ARMC8: variants seen among roughly 807,000 people sequenced by gnomAD.
The protein encoded by ARMC8 is armadillo repeat-containing protein 8.
In ARMC8, 20 loss-of-function variants were observed where a neutral mutation model predicts 99.3. The observed-to-expected ratio is 0.20, with a 90% CI of 0.14 to 0.29. The LOEUF (loss-of-function observed/expected upper bound fraction) is 0.29, where lower values mean the gene tolerates loss of function less well. Ranked by LOEUF, ARMC8 falls within the 10% of genes least tolerant of loss-of-function variation. The pLI, the probability that ARMC8 is intolerant of heterozygous loss-of-function variation, is 1.00. For synonymous variants in ARMC8, 263 were observed against 278.3 expected, an observed-to-expected ratio of 0.95 and a Z score of 0.55; for missense variants, 569 against 809.5, an observed-to-expected ratio of 0.70 and a Z score of 3.60.
intron 21 of ARMC8, among the ~76,000 whole-genome samples, chr3:138,292,384 C>T (rs1278221346): frequency 6.6e-6 from 1 of 152,150 alleles, no homozygotes; most frequent in Non-Finnish European, 1.5e-5. Context: ...TTACAGAGAA[C>T]CATCTGTAGG....
chr3:138,190,134 C>T (rs905505900), intron 1 of ARMC8, among the ~76,000 whole-genome samples: 4 of 152,130 alleles, frequency 2.6e-5, no homozygotes, highest in African/African-American at 9.7e-5. Flanking sequence ...ATGTCTTACA[C>T]TCTCAGTGCA....
intron 21 of ARMC8, among the ~76,000 whole-genome samples, chr3:138,295,195 G>A (rs887219549): frequency 3.9e-5 from 6 of 152,042 alleles, no homozygotes; most frequent in Non-Finnish European, 7.4e-5. Flanking sequence ...CACAGCACCC[G>A]GCCTACATTC....
At chr3:138,235,901 G>A (rs1473816959) in intron 7 of ARMC8, among the ~76,000 whole-genome samples, 2 of 142,702 alleles carry the variant, frequency 1.4e-5, no homozygotes, top group Non-Finnish European at 3.0e-5. Context: ...CGCCTCCCAC[G>A]TTCACGCCAT....
chr3:138,226,790 C>G (rs767767835), intron 5 of ARMC8, among the ~76,000 whole-genome samples: 5 of 152,170 alleles, frequency 3.3e-5, no homozygotes, highest in Non-Finnish European at 7.4e-5. Flanking sequence ...CTAATGGATC[C>G]TGGTGCACCA....
At chr3:138,295,692 C>G (rs116609942) in intron 21 of ARMC8, among the ~76,000 whole-genome samples, 167 bp from the exon 22 acceptor site, 1 of 152,198 alleles carries the variant, frequency 6.6e-6, no homozygotes, top group Non-Finnish European at 1.5e-5. Flanking sequence ...AGGTGTCTAC[C>G]CACTGCAGAT....
At chr3:138,285,062 C>T (rs539153282) in intron 19 of ARMC8, among the ~76,000 whole-genome samples, 87 of 152,322 alleles carry the variant, frequency 5.7e-4, no homozygotes, top group Non-Finnish European at 7.3e-5. Flanking sequence ...GAGGAAGCCT[C>T]CCCTTGTCAC....
intron 12 of ARMC8, among the ~76,000 whole-genome samples, chr3:138,257,016 C>T (rs544480049): frequency 1.6e-4 from 25 of 152,330 alleles, no homozygotes; most frequent in African/African-American, 6.0e-4. Flanking sequence ...GTGACTTAAT[C>T]TTTCTGAACT....
rs76934264 is a variant in ARMC8, at chr3:138,277,618, A to G, written c.1725+3074A>G. ...ACTGCACAATAAAATATCACTATGC[A>G]TCTTTTAGAATAGCTAAAAATTTTT... On this transcript the variant is annotated intron_variant, in intron 18 of 21. Coordinates refer to ENST00000469044, the MANE Select transcript of ARMC8 (RefSeq NM_001363941.2). Among the ~76,000 whole-genome samples the G allele has an allele frequency of 1.9e-4, 29 of 152,364 alleles. 1 individual carries two copies. The East Asian group carries it at 5.6e-3, about 29-fold the overall frequency.
At chr3:138,209,665 C>A in intron 1 of ARMC8, 152 bp from the exon 2 acceptor site, 1 of 625,600 alleles carries the variant, frequency 1.6e-6, no homozygotes, top group Non-Finnish European at 2.8e-6. Flanking sequence ...TTAAGTATCC[C>A]ATATCATGAG....
chr3:138,220,862 GTAT>G (rs2045356298), intron 2 of ARMC8, among the ~76,000 whole-genome samples: 1 of 151,656 alleles, frequency 6.6e-6, no homozygotes, highest in African/African-American at 2.4e-5. Flanking sequence ...GCTAATTTTT[GTAT>G]TATTTGTAGA....
chr3:138,188,331 C>T lies in ARMC8; in HGVS notation c.45+732C>T. On this transcript the variant is annotated intron_variant, in intron 1 of 21. Transcript: ENST00000469044. Reference sequence around the variant, plus strand: ...GAAAAGGGGGTGAGATTTATTTCCCCATTGTTGAAAGAAGGGAACGTATTG... The same window carrying T: ...GAAAAGGGGGTGAGATTTATTTCCCTATTGTTGAAAGAAGGGAACGTATTG... 4 of 1,266,532 alleles carry T rather than the reference C, an allele frequency of 3.2e-6. No individual in the cohort carries two copies. The South Asian group carries it at 5.2e-5, about 16-fold the overall frequency. The allele number at this position is 1,266,532 out of a possible 1,614,324, so 78.5% of individuals were successfully genotyped here.
intron 21 of ARMC8, among the ~76,000 whole-genome samples, chr3:138,292,372 A>G (rs1463620344): frequency 6.6e-6 from 1 of 152,176 alleles, no homozygotes; most frequent in Non-Finnish European, 1.5e-5. Context: ...CACTCTGGTG[A>G]CTTACAGAGA....
chr3:138,263,588 GC>G, intron 12 of ARMC8, 150 bp from the exon 13 acceptor site: 1 of 698,240 alleles, frequency 1.4e-6, no homozygotes, highest in Non-Finnish European at 2.5e-6. Flanking sequence ...TGAGCTGCCC[GC>G]CCCCAGCGCA....
intron 12 of ARMC8, chr3:138,262,397 G>C: frequency 1.1e-6 from 1 of 917,898 alleles, no homozygotes; most frequent in East Asian, 2.5e-5. Context: ...CAGCTAAAAT[G>C]TGGTTCCCTG....
chr3:138,245,454 T>A, intron 12 of ARMC8: 4 of 1,356,050 alleles, frequency 2.9e-6, no homozygotes, highest in African/African-American at 1.5e-5. Flanking sequence ...ATGTTGCACA[T>A]TTTTGCATGT....
intron 21 of ARMC8, among the ~76,000 whole-genome samples, chr3:138,291,028 C>T (rs1189720557): frequency 6.6e-6 from 1 of 152,164 alleles, no homozygotes; most frequent in Non-Finnish European, 1.5e-5. Context: ...TGGCCCAGCT[C>T]CTGGGGATAC....
chr3:138,222,000 A>G lies in ARMC8; in HGVS notation c.194+3A>G. ...ATTGTTTTAGGAGCTGTTCCAAGGT[A>G]TGTTTGCTGTCTCACCCCTTTCTTG... On this transcript the variant is annotated splice_donor_region_variant and intron_variant, in intron 3 of 21. Transcript: ENST00000469044. 2 of 1,611,718 alleles carry G rather than the reference A, an allele frequency of 1.2e-6. No homozygotes were observed. The highest frequency in any genetic ancestry group is 1.7e-6 in the Non-Finnish European group (2 of 1,178,086).
chr3:138,202,340 A>G (rs1330554015), intron 1 of ARMC8, among the ~76,000 whole-genome samples: 1 of 152,242 alleles, frequency 6.6e-6, no homozygotes, highest in East Asian at 1.9e-4. Flanking sequence ...GAACTAGAAC[A>G]TACTAAACAA....
At chr3:138,188,889 T>A (rs893430282) in intron 1 of ARMC8, among the ~76,000 whole-genome samples, 1 of 152,240 alleles carries the variant, frequency 6.6e-6, no homozygotes, top group Non-Finnish European at 1.5e-5. Context: ...TTCTTATTTT[T>A]AAACTGCAAC....
Sources: allele counts gnomAD v4.1 joint callset (sites outside exome capture counted in the v4.1 genomes callset), GRCh38; gene constraint gnomAD v4.1.1; transcripts MANE v1.5; gene names NCBI Gene and HGNC (gene_info 2026-07-23, HGNC 2026-07-21).